Variants in C2CD3 observed in about 807,000 individuals in gnomAD.
C2CD3 encodes C2 domain containing 3 centriole elongation regulator.
C2CD3 carries 148 observed loss-of-function variants against 234.0 expected under a neutral mutation model. That is an observed-to-expected ratio of 0.63 (90% CI 0.55 to 0.72). C2CD3 has a LOEUF of 0.72. Among genes scored for constraint, C2CD3 ranks in the 30% least tolerant of loss-of-function variants. C2CD3 has a pLI of 0.00. For missense variants in C2CD3, 2,577 were observed against 2,811.5 expected (o/e 0.92, Z 1.89); for synonymous variants, 1,000 against 1,035.4 (o/e 0.97, Z 0.66).
chr11:74,132,774 T>G, intron 7 of C2CD3, 70 bp downstream of exon 7: 1 of 1,454,234 alleles, frequency 6.9e-7, no homozygotes, highest in Non-Finnish European at 9.5e-7. Flanking sequence ...GGAAGATGAA[T>G]CTGATAACAA....
At chr11:74,129,752 G>A (rs1366864208) in intron 7 of C2CD3, 2 of 185,394 alleles carry the variant, frequency 1.1e-5, no homozygotes, top group African/African-American at 2.7e-5. Flanking sequence ...GTAGCGAGCC[G>A]ATATCACGCC....
At chr11:74,122,289 C>T (rs1490753970) in intron 8 of C2CD3, among the ~76,000 whole-genome samples, 1 of 152,166 alleles carries the variant, frequency 6.6e-6, no homozygotes, top group Admixed American at 6.5e-5. Context: ...TTTTTCCCCA[C>T]AATCTCATGT....
Position 74,142,728 on chromosome 11 carries a change from C to T in C2CD3, c.484-2900G>A, listed in dbSNP as rs575297831. Among the ~76,000 whole-genome samples the T allele has an allele frequency of 3.9e-5, 6 of 152,228 alleles. No individual in the cohort carries two copies. In the South Asian group the frequency reaches 1.2e-3, roughly 32 times the overall value. ...GGCAGAGGGAAAAGTATTGGTCAAACTTTGACGGTATAAAACAGAAGAATG... is the reference window on the plus strand; with the variant it reads ...GGCAGAGGGAAAAGTATTGGTCAAATTTTGACGGTATAAAACAGAAGAATG... On this transcript the variant is annotated intron_variant, in intron 3 of 32. Coordinates refer to ENST00000334126, the MANE Select transcript of C2CD3 (RefSeq NM_001286577.2).
intron 32 of C2CD3, among the ~76,000 whole-genome samples, chr11:74,019,764 C>A (rs1171067033): frequency 2.6e-5 from 4 of 152,214 alleles, no homozygotes. Context: ...GCAACCTCTG[C>A]CTCCCAGGTT....
Position 74,037,533 on chromosome 11 carries a change from C to A in C2CD3, c.5826G>T (p.Gln1942His), listed in dbSNP as rs1437927990. Residue 1942 changes from glutamine (Q) to histidine (H), a missense_variant, in exon 30 of 33, where the codon CAG becomes CAT. Physicochemically the swap from Gln to His is conservative, Grantham distance 24 (BLOSUM62 0). Coordinates refer to ENST00000334126, the MANE Select transcript of C2CD3 (RefSeq NM_001286577.2). ...GGTTACTGGATTTCTCCAGGATACACTGGCTCCCAGGGTCTAGGCTGCTGG... is the reference window on the plus strand; with the variant it reads ...GGTTACTGGATTTCTCCAGGATACAATGGCTCCCAGGGTCTAGGCTGCTGG... Reference protein sequence around the residue: ...PGASSLDPGSQCILEKSSNLV... With the variant: ...PGASSLDPGSHCILEKSSNLV... 11 of 1,614,030 alleles carry A rather than the reference C, an allele frequency of 6.8e-6. No homozygotes were observed. The highest frequency in any genetic ancestry group is 8.5e-6 in the Non-Finnish European group (10 of 1,180,006).
chr11:74,065,919 TGGGGGGA>T (rs1418095316), intron 24 of C2CD3, among the ~76,000 whole-genome samples: 1 of 41,492 alleles, frequency 2.4e-5, no homozygotes, highest in Non-Finnish European at 4.3e-5. Context: ...TGTCGTGGGG[TGGGGGGA>T]GGGGGGAGGG....
intron 1 of C2CD3, among the ~76,000 whole-genome samples, chr11:74,170,532 G>C (rs886730616): frequency 6.6e-6 from 1 of 151,850 alleles, no homozygotes; most frequent in Non-Finnish European, 1.5e-5. Flanking sequence ...CTCATTAATC[G>C]CCTGTCTGTG....
intron 32 of C2CD3, among the ~76,000 whole-genome samples, chr11:74,022,671 G>A (rs1181924209): frequency 6.6e-6 from 1 of 152,198 alleles, no homozygotes; most frequent in African/African-American, 2.4e-5. Flanking sequence ...AAACTAGTTT[G>A]TCCATCAGCA....
intron 29 of C2CD3, 118 bp from the exon 30 acceptor site, chr11:74,037,816 A>G: frequency 1.4e-6 from 1 of 724,748 alleles, no homozygotes; most frequent in South Asian, 1.7e-5. Context: ...CACTTGGTCT[A>G]TTAATATACT....
At chr11:74,017,320 G>C (rs1186836809) in intron 32 of C2CD3, among the ~76,000 whole-genome samples, 1 of 152,216 alleles carries the variant, frequency 6.6e-6, no homozygotes, top group South Asian at 2.1e-4. Flanking sequence ...TGTCAAGCAC[G>C]GCAGTAGGCC....
chr11:74,151,662 G>A (rs1318046295), intron 3 of C2CD3, among the ~76,000 whole-genome samples: 1 of 152,062 alleles, frequency 6.6e-6, no homozygotes, highest in African/African-American at 2.4e-5. Context: ...AAAATAAAGT[G>A]CACAATTTAT....
At chr11:74,103,722 A>T in intron 13 of C2CD3, 97 bp from the exon 14 acceptor site, 1 of 975,580 alleles carries the variant, frequency 1.0e-6, no homozygotes, top group Non-Finnish European at 1.5e-6. Context: ...TTAGGAAATG[A>T]ATTAACTCAT....
At chr11:74,137,429 C>A (rs186069683) in intron 5 of C2CD3, among the ~76,000 whole-genome samples, 1 of 151,902 alleles carries the variant, frequency 6.6e-6, no homozygotes, top group African/African-American at 2.4e-5. Context: ...GTGCTCAAGT[C>A]TACACAAGTG....
intron 3 of C2CD3, among the ~76,000 whole-genome samples, chr11:74,159,563 A>C (rs184322216): frequency 1.9e-4 from 29 of 152,334 alleles, no homozygotes; most frequent in African/African-American, 6.0e-4. Context: ...AAAAATGAAA[A>C]TAGAAAAAAG....
intron 24 of C2CD3, among the ~76,000 whole-genome samples, chr11:74,073,122 C>G (rs1249492362): frequency 3.7e-5 from 5 of 135,362 alleles, no homozygotes; most frequent in Non-Finnish European, 7.4e-5. Context: ...CTCTGGCAAT[C>G]TGGCAAGGTC....
intron 24 of C2CD3, among the ~76,000 whole-genome samples, chr11:74,065,159 A>T (rs1445708465): frequency 6.6e-5 from 10 of 152,190 alleles, no homozygotes; most frequent in Admixed American, 6.5e-4. Flanking sequence ...TTTACAATCT[A>T]CCCATCTGAC....
In C2CD3 at chr11:74,045,723, C is replaced by A. The variant is rs1400039454; in HGVS notation, c.5495+2482G>T. 2.0e-5 allele frequency among the ~76,000 whole-genome samples: 3 copies of A among 151,994 alleles called. No individual in the cohort carries two copies. The East Asian group carries it at 5.8e-4, about 29-fold the overall frequency. On this transcript the variant is annotated intron_variant, in intron 28 of 32. Transcript: ENST00000334126. ...AGTAGCTGGGACTGCAGGCATGCAC[C>A]ACTATGCCTGGCTAATTTTTTTGAT...
At chr11:74,150,603 A>G (rs1200825850) in intron 3 of C2CD3, among the ~76,000 whole-genome samples, 2 of 151,404 alleles carry the variant, frequency 1.3e-5, no homozygotes, top group Non-Finnish European at 2.9e-5. Flanking sequence ...CTTATTATCC[A>G]GCTTCAACAA....
intron 3 of C2CD3, among the ~76,000 whole-genome samples, chr11:74,146,832 C>T (rs1855236769): frequency 6.6e-6 from 1 of 151,816 alleles, no homozygotes; most frequent in African/African-American, 2.4e-5. Context: ...GTGGGCAGAT[C>T]ACTTGAGGTC....
Sources: allele counts gnomAD v4.1 joint callset (sites outside exome capture counted in the v4.1 genomes callset), GRCh38; gene constraint gnomAD v4.1.1; transcripts MANE v1.5; gene names NCBI Gene and HGNC (gene_info 2026-07-23, HGNC 2026-07-21).